The following RMDN2 variants were observed in gnomAD, a reference collection of about 807,000 sequenced individuals.
RMDN2 encodes the protein regulator of microtubule dynamics 2, also known as regulator of microtubule dynamics protein 2.
A neutral mutation model predicts 52.8 loss-of-function variants in RMDN2; 61 were observed. The ratio of observed to expected loss-of-function variants is 1.16; its 90% CI spans 0.94 to 1.43. The LOEUF (loss-of-function observed/expected upper bound fraction) is 1.43. Among genes scored for constraint, RMDN2 ranks in the 40% most tolerant of loss-of-function variants. The pLI is 0.00. For synonymous variants in RMDN2, 180 were observed against 153.1 expected (o/e 1.18, Z -1.30); for missense variants, 592 against 475.3 (o/e 1.25, Z -2.28).
At position 37,995,322 on chromosome 2, in the gene RMDN2, GACTACTACTACTACT is replaced by G. The variant is rs3056282; in HGVS notation, c.946-2064_946-2050del. ...ATATACCCCCTGAAGAAGAGGGGAT[GACTACTACTACTACT>G]ACTACTACTACTACTACTACTACTA... On this transcript the variant is annotated intron_variant, in intron 7 of 10. Transcript: ENST00000354545. Among the ~76,000 whole-genome samples, 39 of 147,216 alleles carry G rather than the reference GACTACTACTACTACT, an allele frequency of 2.6e-4. 1 individual carries two copies. The South Asian group carries it at 4.3e-3, about 16-fold the overall frequency.
intron 2 of RMDN2, among the ~76,000 whole-genome samples, chr2:37,957,357 G>A (rs970538296): frequency 5.3e-5 from 8 of 152,278 alleles, no homozygotes; most frequent in Middle Eastern, 3.4e-3. Context: ...TCTAACTGGC[G>A]TGAGATGGTA....
intron 2 of RMDN2, among the ~76,000 whole-genome samples, chr2:37,936,497 T>C (rs910844121): frequency 3.3e-5 from 5 of 152,350 alleles, no homozygotes; most frequent in African/African-American, 1.2e-4. Context: ...TAAACTAATT[T>C]ACACTCCCAC....
chr2:38,029,097 C>T (rs1679991209), intron 10 of RMDN2, among the ~76,000 whole-genome samples: 1 of 152,136 alleles, frequency 6.6e-6, no homozygotes, highest in Non-Finnish European at 1.5e-5. Flanking sequence ...TTTCACAAGG[C>T]CTACAGTATA....
chr2:37,976,748 C>A (rs551743801), intron 4 of RMDN2, among the ~76,000 whole-genome samples: 1 of 152,116 alleles, frequency 6.6e-6, no homozygotes, highest in South Asian at 2.1e-4. Context: ...CCAAGGAGAA[C>A]AAGGGGATTT....
At chr2:37,981,486 GT>G (rs1558506896) in intron 5 of RMDN2, 143 bp downstream of exon 5, 11 of 580,774 alleles carry the variant, frequency 1.9e-5, no homozygotes, top group Non-Finnish European at 3.1e-5. Context: ...CACAGTAACT[GT>G]TCTTATTCTG....
chr2:37,931,280 T>G (rs1572676559), intron 2 of RMDN2, among the ~76,000 whole-genome samples: 1 of 152,164 alleles, frequency 6.6e-6, no homozygotes, highest in Non-Finnish European at 1.5e-5. Flanking sequence ...CTAGTAGTTA[T>G]TTATTATGGA....
chr2:37,950,224 A>C (rs1471892881), intron 2 of RMDN2: 4 of 378,942 alleles, frequency 1.1e-5, no homozygotes, highest in Non-Finnish European at 2.0e-5. Flanking sequence ...GGTGAGAGAG[A>C]TGGTCCAAGG....
intron 10 of RMDN2, among the ~76,000 whole-genome samples, chr2:38,012,430 A>G (rs1447925058): frequency 6.6e-6 from 1 of 152,222 alleles, no homozygotes; most frequent in African/African-American, 2.4e-5. Flanking sequence ...GCACTCAGTA[A>G]GTGTTGATAG....
At chr2:37,999,666 A>C (rs77208432) in intron 8 of RMDN2, among the ~76,000 whole-genome samples, 6,263 of 152,228 alleles carry the variant, frequency 0.041, 412 homozygotes, top group African/African-American at 0.14. Flanking sequence ...GAAACAGCAC[A>C]GACCCTGGCT....
rs149481451 is a variant in RMDN2 at position 38,010,060 on chromosome 2, G to C, written c.1179+5844G>C. Among the ~76,000 whole-genome samples the C allele has an allele frequency of 5.3e-3, 812 of 152,274 alleles. 2 individuals are homozygous for C. The highest frequency in any genetic ancestry group is 0.018 in the African/African-American group (765 of 41,554). ...GAGCAGCAAATGTTGCTGCCTGATC[G>C]TTCCTCTGGAAGTTTTGTCTCAGAG... On this transcript the variant is annotated intron_variant, in intron 10 of 10. Transcript: ENST00000354545.
At chr2:38,011,978 G>A (rs749523451) in intron 10 of RMDN2, among the ~76,000 whole-genome samples, 1 of 152,100 alleles carries the variant, frequency 6.6e-6, no homozygotes, top group Non-Finnish European at 1.5e-5. Flanking sequence ...AAATGTAAAC[G>A]TCAACATGTC....
At chr2:38,020,578 C>T (rs895510844), downstream of RMDN2, among the ~76,000 whole-genome samples, 1 of 152,208 alleles carries the variant, frequency 6.6e-6, no homozygotes, top group Non-Finnish European at 1.5e-5. Flanking sequence ...TCCGGGTGGG[C>T]GTGGGCTTGG....
chr2:37,992,879 A>G (rs1674994074), intron 7 of RMDN2, among the ~76,000 whole-genome samples: 1 of 152,154 alleles, frequency 6.6e-6, no homozygotes, highest in African/African-American at 2.4e-5. Flanking sequence ...AATAAGCAGG[A>G]GAACAGGATT....
At chr2:38,052,662 T>C (rs1681671104) in intron 10 of RMDN2, among the ~76,000 whole-genome samples, 1 of 152,208 alleles carries the variant, frequency 6.6e-6, no homozygotes, top group Non-Finnish European at 1.5e-5. Context: ...AATGATTCTC[T>C]ATAGTCATGT....
chr2:37,956,316 G>A (rs1374006230), intron 2 of RMDN2, among the ~76,000 whole-genome samples: 1 of 151,930 alleles, frequency 6.6e-6, no homozygotes, highest in Non-Finnish European at 1.5e-5. Flanking sequence ...ATTTCATCTA[G>A]GTTAATCAAT....
At position 37,941,693 on chromosome 2, in the gene RMDN2, G is replaced by A. The variant is rs577233985; in HGVS notation, c.452+11964G>A. Among the ~76,000 whole-genome samples, 5 of 152,316 alleles carry A rather than the reference G, an allele frequency of 3.3e-5. No individual in the cohort carries two copies. The East Asian group carries it at 5.8e-4, about 18-fold the overall frequency. On this transcript the variant is annotated intron_variant, in intron 2 of 10. Coordinates refer to ENST00000354545, the MANE Select transcript of RMDN2 (RefSeq NM_001170791.3). ...ACTTCCTGGTGGCTTTGTTTACACC[G>A]TGTGGGGAAAACTGCCTACTCACGC...
Position 37,951,221 on chromosome 2 carries a change from T to C in RMDN2, c.452+21492T>C, listed in dbSNP as rs1668742627. ...ATTTTTTTTCCTCATTTGACCCTTT[T>C]CTCACTCTTAGCTGCTGCAAAGAGG... On this transcript the variant is annotated intron_variant, in intron 2 of 10. Transcript: ENST00000354545. 1.9e-6 allele frequency: 3 copies of C among 1,543,990 alleles called. No homozygotes were observed. In the South Asian group the frequency reaches 3.8e-5, roughly 20 times the overall value.
chr2:37,993,355 C>A (rs1250371358), intron 7 of RMDN2, among the ~76,000 whole-genome samples: 2 of 152,150 alleles, frequency 1.3e-5, no homozygotes, highest in Non-Finnish European at 2.9e-5. Flanking sequence ...GAATCAGCTT[C>A]CGCCAAGGTA....
intron 10 of RMDN2, among the ~76,000 whole-genome samples, chr2:38,004,794 T>C (rs1252623507): frequency 6.6e-6 from 1 of 152,040 alleles, no homozygotes; most frequent in Admixed American, 6.5e-5. Context: ...GCTGCACCCA[T>C]TAACTCGTCA....
Sources: allele counts gnomAD v4.1 joint callset (sites outside exome capture counted in the v4.1 genomes callset), GRCh38; gene constraint gnomAD v4.1.1; transcripts MANE v1.5; gene names NCBI Gene and HGNC (gene_info 2026-07-23, HGNC 2026-07-21).